The following PLPPR1 variants were observed in gnomAD, a reference collection of about 807,000 sequenced individuals.
PLPPR1 encodes phospholipid phosphatase-related protein type 1.
A neutral mutation model predicts 33.1 loss-of-function variants in PLPPR1; 10 were observed. That is an observed-to-expected ratio of 0.30 (90% CI 0.19 to 0.51). The LOEUF is 0.51. Among genes scored for constraint, PLPPR1 ranks in the 20% least tolerant of loss-of-function variants. The pLI, the probability that PLPPR1 is intolerant of heterozygous loss-of-function variation, is 0.97. For synonymous variants in PLPPR1, 151 were observed against 151.0 expected, an observed-to-expected ratio of 1.00 and a Z score of 0.00; for missense variants, 304 against 408.1, an observed-to-expected ratio of 0.74 and a Z score of 2.20.
At chr9:101,043,014 C>T (rs1318323624) in intron 1 of PLPPR1, among the ~76,000 whole-genome samples, 3 of 152,090 alleles carry the variant, frequency 2.0e-5, no homozygotes, top group Admixed American at 6.6e-5. Flanking sequence ...ATCACCGGAG[C>T]AGTTACACAG....
At chr9:101,149,393 A>G (rs1399842163) in intron 1 of PLPPR1, among the ~76,000 whole-genome samples, 1 of 152,160 alleles carries the variant, frequency 6.6e-6, no homozygotes, top group Non-Finnish European at 1.5e-5. Context: ...GGACTTATCT[A>G]TGAGGACTCC....
At position 101,185,472 on chromosome 9, in the gene PLPPR1, A is replaced by C. The variant is rs1378372510; in HGVS notation, c.-23A>C. On this transcript the variant is annotated 5_prime_UTR_variant, in exon 2 of 8. Transcript: ENST00000374874. The stretch of plus-strand genomic sequence containing the variant: ...CAGCCTGGACAGTTTTTGACGGTGC[A>C]GTCTTGCTATATGGTGTGAGAAATG... 1 of 1,518,334 alleles carries C rather than the reference A, an allele frequency of 6.6e-7. No homozygotes were observed. Among genetic ancestry groups the C allele is most frequent in the East Asian group, 2.3e-5 (1 of 44,156 alleles). The allele number at this position is 1,518,334 out of a possible 1,614,324, so 94.1% of individuals were successfully genotyped here.
intron 1 of PLPPR1, among the ~76,000 whole-genome samples, chr9:101,041,212 G>C (rs573672590): frequency 6.6e-6 from 1 of 152,272 alleles, no homozygotes; most frequent in East Asian, 1.9e-4. Flanking sequence ...TTCACTGTGG[G>C]ACCTTCCAAC....
At chr9:101,175,150 A>C (rs1346941) in intron 1 of PLPPR1, among the ~76,000 whole-genome samples, 3 of 151,776 alleles carry the variant, frequency 2.0e-5, no homozygotes, top group South Asian at 2.1e-4. Flanking sequence ...TCTCTCTCTC[A>C]TGTCTGATAG....
intron 2 of PLPPR1, among the ~76,000 whole-genome samples, chr9:101,238,792 T>A (rs1588089673): frequency 6.6e-6 from 1 of 151,778 alleles, no homozygotes; most frequent in Non-Finnish European, 1.5e-5. Context: ...AAAAATAAAT[T>A]AAGATTATTG....
chr9:101,129,226 C>T (rs1464787329), intron 1 of PLPPR1, among the ~76,000 whole-genome samples: 2 of 151,756 alleles, frequency 1.3e-5, no homozygotes, highest in Non-Finnish European at 2.9e-5. Context: ...CAAATGTTGG[C>T]AAAGTGATGG....
At chr9:101,063,902 C>T (rs985285657) in intron 1 of PLPPR1, among the ~76,000 whole-genome samples, 2 of 152,072 alleles carry the variant, frequency 1.3e-5, no homozygotes, top group African/African-American at 4.8e-5. Context: ...AGTGTAAGCT[C>T]ATGAAACTAG....
chr9:101,100,988 A>G (rs1002704576), intron 1 of PLPPR1, among the ~76,000 whole-genome samples: 3 of 152,162 alleles, frequency 2.0e-5, no homozygotes, highest in Admixed American at 1.3e-4. Flanking sequence ...AGTATTGTGT[A>G]TACTAAAAGG....
intron 2 of PLPPR1, among the ~76,000 whole-genome samples, chr9:101,219,191 A>T (rs1377097663): frequency 6.6e-6 from 1 of 152,120 alleles, no homozygotes; most frequent in African/African-American, 2.4e-5. Context: ...CTCACCTCTC[A>T]CTGTAGGTGG....
At chr9:101,261,204 A>C (rs1827893695) in intron 2 of PLPPR1, among the ~76,000 whole-genome samples, 1 of 152,180 alleles carries the variant, frequency 6.6e-6, no homozygotes, top group South Asian at 2.1e-4. Flanking sequence ...AATATATTTA[A>C]AGTTACATAG....
chr9:101,197,969 T>C (rs1191795495), intron 2 of PLPPR1, among the ~76,000 whole-genome samples: 1 of 152,232 alleles, frequency 6.6e-6, no homozygotes, highest in African/African-American at 2.4e-5. Context: ...TTTTCACCAG[T>C]GCCAAGCCTT....
intron 2 of PLPPR1, among the ~76,000 whole-genome samples, chr9:101,217,462 G>C (rs1826824034): frequency 2.0e-5 from 3 of 152,178 alleles, no homozygotes; most frequent in Admixed American, 2.0e-4. Flanking sequence ...TGAAACTTCT[G>C]CTGTCACTGT....
intron 3 of PLPPR1, among the ~76,000 whole-genome samples, chr9:101,275,741 A>G (rs1035327028): frequency 6.6e-6 from 1 of 152,200 alleles, no homozygotes; most frequent in Non-Finnish European, 1.5e-5. Flanking sequence ...AAAAATGGCT[A>G]TTAAACCTTT....
chr9:101,160,811 T>C (rs1005542760), intron 1 of PLPPR1, among the ~76,000 whole-genome samples: 1 of 152,182 alleles, frequency 6.6e-6, no homozygotes, highest in Non-Finnish European at 1.5e-5. Context: ...CTTAACTTCC[T>C]TGTTCACTCT....
intron 4 of PLPPR1, among the ~76,000 whole-genome samples, chr9:101,296,554 G>A (rs984145385): frequency 1.6e-4 from 24 of 152,128 alleles, no homozygotes; most frequent in African/African-American, 5.3e-4. Context: ...CAACACAAAT[G>A]TCCAACAGTG....
intron 4 of PLPPR1, among the ~76,000 whole-genome samples, chr9:101,286,982 A>G (rs374645065): frequency 1.3e-4 from 20 of 152,284 alleles, no homozygotes; most frequent in African/African-American, 4.3e-4. Flanking sequence ...AAGAGAACTG[A>G]CAACTGAGAA....
intron 1 of PLPPR1, among the ~76,000 whole-genome samples, chr9:101,181,608 A>ATGTGTGTGTG (rs374750617): frequency 6.2e-4 from 80 of 129,712 alleles, no homozygotes; most frequent in African/African-American, 2.0e-3. Flanking sequence ...GGGTATATGT[A>ATGTGTGTGTG]TGTGTGTGTG....
In PLPPR1 at chr9:101,317,342, C is replaced by G. The variant is rs761948588; in HGVS notation, c.814-23C>G. On this transcript the variant is annotated intron_variant, in intron 6 of 7. Transcript: ENST00000374874. ...TTGATGGCTGCAGTCTGACCCCATTCTTTTTTCCCCCTCATCCTGCAGGGA... is the reference window on the plus strand; with the variant it reads ...TTGATGGCTGCAGTCTGACCCCATTGTTTTTTCCCCCTCATCCTGCAGGGA... The G allele has an allele frequency of 2.5e-6, 4 of 1,608,332 alleles. No individual in the cohort carries two copies. In the African/African-American group the frequency reaches 4.0e-5, roughly 16 times the overall value.
intron 1 of PLPPR1, among the ~76,000 whole-genome samples, chr9:101,070,363 G>A (rs1164604940): frequency 1.3e-5 from 2 of 151,932 alleles, no homozygotes; most frequent in African/African-American, 4.8e-5. Flanking sequence ...TTGGCCATTG[G>A]GAACTCTTTC....
Sources: allele counts gnomAD v4.1 joint callset (sites outside exome capture counted in the v4.1 genomes callset), GRCh38; gene constraint gnomAD v4.1.1; transcripts MANE v1.5; gene names NCBI Gene and HGNC (gene_info 2026-07-23, HGNC 2026-07-21).